UNC80: variants seen among roughly 807,000 people sequenced by gnomAD.
UNC80 encodes the protein protein unc-80 homolog.
UNC80 carries 164 observed loss-of-function variants against 384.6 expected under a neutral mutation model. The observed-to-expected ratio is 0.43, with a 90% CI of 0.38 to 0.49. The LOEUF (loss-of-function observed/expected upper bound fraction) is 0.49, where lower values mean the gene tolerates loss of function less well. UNC80 is among the 20% of genes least tolerant of loss of function. UNC80 has a pLI of 0.00. For missense variants in UNC80, 3,330 were observed against 4,143.0 expected, an observed-to-expected ratio of 0.80 and a Z score of 5.39; for synonymous variants, 1,486 against 1,527.8, an observed-to-expected ratio of 0.97 and a Z score of 0.64.
intron 7 of UNC80, among the ~76,000 whole-genome samples, chr2:209,796,905 A>G (rs1323331560): frequency 6.6e-6 from 1 of 152,180 alleles, no homozygotes; most frequent in Non-Finnish European, 1.5e-5. Flanking sequence ...TTGTGCAACT[A>G]CCACTACAAT....
intron 4 of UNC80, among the ~76,000 whole-genome samples, chr2:209,785,223 C>T (rs1396021214): frequency 6.6e-6 from 1 of 152,078 alleles, no homozygotes. Context: ...CAGATGTATT[C>T]GTTAATCTGT....
chr2:209,892,263 G>A (rs759451954), intron 26 of UNC80, among the ~76,000 whole-genome samples: 9 of 152,136 alleles, frequency 5.9e-5, no homozygotes, highest in African/African-American at 1.7e-4. Context: ...CAGCCAGCAG[G>A]ACTTGCTAAT....
At chr2:209,842,318 C>T in intron 20 of UNC80, 32 bp from the exon 21 acceptor site, 1 of 1,464,574 alleles carries the variant, frequency 6.8e-7, no homozygotes, top group Middle Eastern at 1.7e-4. Flanking sequence ...TGAATCTTAT[C>T]TCTCTACTTT....
At chr2:209,974,896 T>C (rs1174710859) in intron 56 of UNC80, among the ~76,000 whole-genome samples, 1 of 152,206 alleles carries the variant, frequency 6.6e-6, no homozygotes, top group Non-Finnish European at 1.5e-5. Flanking sequence ...GTCATCAGAA[T>C]TATGGTAGAG....
At chr2:209,900,983 C>T (rs1004158339) in intron 28 of UNC80, among the ~76,000 whole-genome samples, 6 of 152,154 alleles carry the variant, frequency 3.9e-5, no homozygotes, top group Non-Finnish European at 8.8e-5. Flanking sequence ...CTGAAGTTAG[C>T]AGAGGTTGCT....
At chr2:209,854,921 T>C (rs2082789421) in intron 22 of UNC80, among the ~76,000 whole-genome samples, 1 of 152,282 alleles carries the variant, frequency 6.6e-6, no homozygotes, top group South Asian at 2.1e-4. Context: ...AGAAATACCA[T>C]TTGACCCAGC....
At chr2:209,922,162 G>A (rs2090087434) in intron 34 of UNC80, 90 bp from the exon 35 acceptor site, 2 of 1,397,112 alleles carry the variant, frequency 1.4e-6, no homozygotes, top group Admixed American at 4.2e-5. Flanking sequence ...TGGTCTGAGA[G>A]CAGTATGCAT....
intron 28 of UNC80, among the ~76,000 whole-genome samples, chr2:209,902,074 C>T (rs2087478411): frequency 6.6e-6 from 1 of 152,056 alleles, no homozygotes; most frequent in African/African-American, 2.4e-5. Flanking sequence ...ATTTGTGATT[C>T]ATAAGAGGAG....
At chr2:209,864,318 C>T (rs2083554739) in intron 22 of UNC80, among the ~76,000 whole-genome samples, 1 of 152,052 alleles carries the variant, frequency 6.6e-6, no homozygotes, top group South Asian at 2.1e-4. Flanking sequence ...GAGGGTTTCA[C>T]CTAGTTGGGT....
At position 209,794,132 on chromosome 2, in the gene UNC80, A is replaced by G. The variant is rs112670068; in HGVS notation, c.938+273A>G. ...TTAAAATGTTTAAGTGCAGAACTCAAATGATGCTATCAGAAGATTATGTTG... is the reference window on the plus strand; with the variant it reads ...TTAAAATGTTTAAGTGCAGAACTCAGATGATGCTATCAGAAGATTATGTTG... On this transcript the variant is annotated intron_variant, in intron 7 of 64. Transcript: ENST00000673920. Among the ~76,000 whole-genome samples, 611 of 152,350 alleles carry G rather than the reference A, an allele frequency of 4.0e-3. 6 individuals carry two copies. The highest frequency in any genetic ancestry group is 0.014 in the African/African-American group (572 of 41,574).
At chr2:209,992,742 A>G (rs992181668) in intron 62 of UNC80, among the ~76,000 whole-genome samples, 2 of 152,252 alleles carry the variant, frequency 1.3e-5, no homozygotes, top group African/African-American at 2.4e-5. Context: ...TTTCTGCATA[A>G]AGGCAAAGAA....
intron 47 of UNC80, among the ~76,000 whole-genome samples, chr2:209,950,599 C>T (rs573795828): frequency 6.7e-6 from 1 of 150,190 alleles, no homozygotes; most frequent in African/African-American, 2.4e-5. Context: ...GTTCTTGTTG[C>T]CCAGGCTGGA....
chr2:209,870,552 T>G (rs2084206229), intron 22 of UNC80, among the ~76,000 whole-genome samples: 1 of 152,182 alleles, frequency 6.6e-6, no homozygotes, highest in Admixed American at 6.5e-5. Flanking sequence ...ATCATTAGTA[T>G]CCACCTTTTG....
intron 7 of UNC80, among the ~76,000 whole-genome samples, chr2:209,806,360 AT>A (rs1388575427): frequency 3.3e-5 from 5 of 152,078 alleles, no homozygotes; most frequent in Admixed American, 2.0e-4. Flanking sequence ...GTGAACAGAT[AT>A]TTTTTTCTTA....
At chr2:209,921,750 T>C (rs2090054327) in intron 34 of UNC80, 64 bp downstream of exon 34, 1 of 1,452,858 alleles carries the variant, frequency 6.9e-7, no homozygotes, top group Non-Finnish European at 9.1e-7. Flanking sequence ...GCTCTGAAAT[T>C]AACATTGACA....
chr2:209,978,155 G>A (rs1048221420), intron 58 of UNC80, among the ~76,000 whole-genome samples: 1 of 152,164 alleles, frequency 6.6e-6, no homozygotes, highest in Non-Finnish European at 1.5e-5. Context: ...ATATGCTTGT[G>A]TCAGATAAGA....
rs574131323 is a variant in UNC80, at chr2:209,865,356, A to G, written c.3628-7402A>G. Among the ~76,000 whole-genome samples the G allele has an allele frequency of 2.2e-3, 335 of 152,222 alleles. 1 individual carries two copies. Among genetic ancestry groups the G allele is most frequent in the African/African-American group, 7.8e-3 (323 of 41,542 alleles). On this transcript the variant is annotated intron_variant, in intron 22 of 64. Coordinates refer to ENST00000673920, the MANE Select transcript of UNC80 (RefSeq NM_001371986.1). ...GATGGCTCATGCCTGTAATCCCAGC[A>G]CTTTGGGAGGCCAAGGCAGGCGGAT...
chr2:209,788,997 T>C (rs2077629384), intron 5 of UNC80, among the ~76,000 whole-genome samples: 1 of 152,172 alleles, frequency 6.6e-6, no homozygotes, highest in Non-Finnish European at 1.5e-5. Context: ...ACAAATACCA[T>C]TGTGTTATAA....
At chr2:209,837,965 G>A (rs912382246) in intron 18 of UNC80, among the ~76,000 whole-genome samples, 3 of 151,972 alleles carry the variant, frequency 2.0e-5, no homozygotes, top group South Asian at 4.1e-4. Context: ...TAGAGACGGG[G>A]TTTCGCCGTG....
Sources: gnomAD v4.1 joint callset for allele counts (sites outside exome capture counted in the v4.1 genomes callset) on GRCh38, gnomAD v4.1.1 for gene constraint, MANE v1.5 for transcripts, NCBI Gene and HGNC (gene_info 2026-07-23, HGNC 2026-07-21) for gene names.